TRPC7: variants seen among roughly 807,000 people sequenced by gnomAD.
The protein encoded by TRPC7 is transient receptor potential cation channel subfamily C member 7.
TRPC7 carries 42 observed loss-of-function variants against 90.1 expected under a neutral mutation model. The observed-to-expected ratio is 0.47, with a 90% CI of 0.36 to 0.60. The LOEUF (loss-of-function observed/expected upper bound fraction) is 0.60. Among genes scored for constraint, TRPC7 ranks in the 20% least tolerant of loss-of-function variants. The pLI, the probability that TRPC7 is intolerant of heterozygous loss-of-function variation, is 0.00. For missense variants in TRPC7, 955 were observed against 1,112.3 expected, an observed-to-expected ratio of 0.86 and a Z score of 2.01; for synonymous variants, 451 against 436.3, an observed-to-expected ratio of 1.03 and a Z score of -0.42.
At chr5:136,349,104 T>C (rs1450679631) in intron 2 of TRPC7, among the ~76,000 whole-genome samples, 3 of 147,534 alleles carry the variant, frequency 2.0e-5, no homozygotes, top group Non-Finnish European at 3.0e-5. Flanking sequence ...ATCTCTGTAT[T>C]TGTCAGGATC....
chr5:136,332,811 GAAACACACTTTCTTCCCC>G (rs2149847293), intron 2 of TRPC7, among the ~76,000 whole-genome samples: 1 of 152,326 alleles, frequency 6.6e-6, no homozygotes, highest in East Asian at 1.9e-4. Flanking sequence ...CTCTATGAGA[GAAACACACTTTCTTCCCC>G]ATTGATGTTG....
chr5:136,219,602 C>T (rs1019725066), intron 10 of TRPC7, among the ~76,000 whole-genome samples: 25 of 152,132 alleles, frequency 1.6e-4, no homozygotes, highest in African/African-American at 5.6e-4. Context: ...CCCATCTCTA[C>T]TAAAAATACA....
chr5:136,265,995 C>T (rs1376395640), intron 5 of TRPC7, among the ~76,000 whole-genome samples: 8 of 152,100 alleles, frequency 5.3e-5, no homozygotes, highest in African/African-American at 1.9e-4. Flanking sequence ...TAAAAAATTT[C>T]TGTCCCCCGC....
At chr5:136,308,463 G>A (rs1405485576) in intron 3 of TRPC7, among the ~76,000 whole-genome samples, 1 of 152,212 alleles carries the variant, frequency 6.6e-6, no homozygotes, top group Non-Finnish European at 1.5e-5. Context: ...CTGTTAAAAC[G>A]ATGCCTCAGC....
chr5:136,213,331 C>A lies in TRPC7; in HGVS notation c.*104G>T, dbSNP rs978923837. 1 of 1,200,628 alleles carries A rather than the reference C, an allele frequency of 8.3e-7. No homozygotes were observed. The allele number at this position is 1,200,628 out of a possible 1,614,324, so 74.4% of individuals were successfully genotyped here. A position where few individuals can be genotyped will look rare whatever the true frequency, so the allele number is the denominator to read the frequency against. On this transcript the variant is annotated 3_prime_UTR_variant, in exon 12 of 12. Transcript: ENST00000513104. ...CTGAGCCAGGAGATCCCCTTCGTGT[C>A]CTAGAGGAGTGGGCTGGGGACCCCT...
chr5:136,271,171 C>T (rs187645529), intron 4 of TRPC7, among the ~76,000 whole-genome samples: 52 of 152,204 alleles, frequency 3.4e-4, no homozygotes, highest in Admixed American at 1.7e-3. Flanking sequence ...TATATTTCTC[C>T]GAGCAAGGGT....
intron 3 of TRPC7, among the ~76,000 whole-genome samples, chr5:136,310,564 G>T (rs1758793644): frequency 6.6e-6 from 1 of 151,646 alleles, no homozygotes; most frequent in Non-Finnish European, 1.5e-5. Flanking sequence ...AGTGGAGCTG[G>T]CTCTTGAGGA....
intron 7 of TRPC7, among the ~76,000 whole-genome samples, chr5:136,246,092 G>A (rs930771240): frequency 3.9e-5 from 6 of 152,158 alleles, no homozygotes; most frequent in African/African-American, 9.7e-5. Context: ...CCACTTCCAC[G>A]GTGGGGGATG....
chr5:136,348,545 G>GGACACCTATCTGA, intron 2 of TRPC7, among the ~76,000 whole-genome samples: 1 of 152,172 alleles, frequency 6.6e-6, no homozygotes, highest in African/African-American at 2.4e-5. Flanking sequence ...TGATTACATG[G>GGACACCTATCTGA]AGGACACCTA....
chr5:136,271,700 A>T (rs1008383285), intron 4 of TRPC7, among the ~76,000 whole-genome samples: 1 of 152,178 alleles, frequency 6.6e-6, no homozygotes, highest in African/African-American at 2.4e-5. Flanking sequence ...AAACAGAATC[A>T]CTGTTCTTTC....
chr5:136,243,952 G>A (rs562812469), intron 7 of TRPC7, among the ~76,000 whole-genome samples: 1 of 151,974 alleles, frequency 6.6e-6, no homozygotes, highest in Middle Eastern at 3.4e-3. Flanking sequence ...TCTTGGTTGG[G>A]TCTCTTGTGT....
Position 136,247,567 on chromosome 5 carries a change from A to G in TRPC7, c.1748T>C (p.Met583Thr). 6.2e-7 allele frequency: 1 copy of G among 1,614,028 alleles called. No homozygotes were observed. Among genetic ancestry groups the G allele is most frequent in the Non-Finnish European group, 8.5e-7 (1 of 1,179,886 alleles). Residue 583 changes from methionine to threonine, a missense_variant, in exon 7 of 12, where the codon ATG (methionine) becomes ACG (threonine). Met to Thr is a moderately conservative substitution (Grantham distance 81). Coordinates refer to ENST00000513104, the MANE Select transcript of TRPC7 (RefSeq NM_020389.3). This position sits in a 1 kb window ranked among gnomAD's most constrained non-coding sequence, Gnocchi z 4.2. Reference protein sequence around the residue: ...GRTVKDIFKFMVIFIMVFVAF... With the variant: ...GRTVKDIFKFTVIFIMVFVAF... Reference sequence around the variant, plus strand: ...CACAAATACCATGATGAAAATGACCATGAACTTGAAGATATCTTTCACAGT... The same window carrying G: ...CACAAATACCATGATGAAAATGACCGTGAACTTGAAGATATCTTTCACAGT...
chr5:136,262,692 T>TA lies in TRPC7; in HGVS notation c.1345+3527dup, dbSNP rs371732187. 2.8e-3 allele frequency among the ~76,000 whole-genome samples: 423 copies of TA among 152,280 alleles called. 4 individuals carry two copies. The highest frequency in any genetic ancestry group is 9.6e-3 in the African/African-American group (398 of 41,538). ...AGCCAGGATGGAGTAACAAACAGGTTAAAAAACAACAAAACAAAAGCAAAC... is the reference window on the plus strand; with the variant it reads ...AGCCAGGATGGAGTAACAAACAGGTTAAAAAAACAACAAAACAAAAGCAAAC... On this transcript the variant is annotated intron_variant, in intron 5 of 11. Transcript: ENST00000513104.
intron 5 of TRPC7, among the ~76,000 whole-genome samples, chr5:136,264,711 G>A (rs920168323): frequency 1.3e-5 from 2 of 151,992 alleles, no homozygotes; most frequent in African/African-American, 4.8e-5. Context: ...TCCTGCCTTA[G>A]CCTCCTGAGT....
intron 4 of TRPC7, among the ~76,000 whole-genome samples, chr5:136,273,138 T>A (rs1346559424): frequency 6.6e-6 from 1 of 152,148 alleles, no homozygotes; most frequent in Non-Finnish European, 1.5e-5. Context: ...ATTTTAATGA[T>A]CGAACAGCCT....
chr5:136,250,019 T>G (rs955519020), intron 6 of TRPC7, among the ~76,000 whole-genome samples: 2 of 152,188 alleles, frequency 1.3e-5, no homozygotes, highest in African/African-American at 4.8e-5. Context: ...AAGTCAGAAG[T>G]GGACAATACT....
intron 5 of TRPC7, among the ~76,000 whole-genome samples, chr5:136,265,437 C>T (rs1015775466): frequency 2.6e-5 from 4 of 152,020 alleles, no homozygotes. Flanking sequence ...TTAGTTTTTG[C>T]AATTTTTAAT....
chr5:136,278,437 A>G (rs181057771), intron 3 of TRPC7, among the ~76,000 whole-genome samples: 1 of 152,316 alleles, frequency 6.6e-6, no homozygotes, highest in Admixed American at 6.5e-5. Context: ...GCATGTCACC[A>G]CATCTGGAAG....
intron 7 of TRPC7, among the ~76,000 whole-genome samples, chr5:136,234,597 C>T (rs1216336514): frequency 5.3e-5 from 8 of 152,182 alleles, no homozygotes; most frequent in African/African-American, 1.4e-4. Context: ...CATTAGCCAC[C>T]GCGCCTGGCC....
Sources: gnomAD v4.1 joint callset for allele counts (sites outside exome capture counted in the v4.1 genomes callset) on GRCh38, gnomAD v4.1.1 for gene constraint, Gnocchi (gnomAD v3.1) non-coding constraint, MANE v1.5 for transcripts, NCBI Gene and HGNC (gene_info 2026-07-23, HGNC 2026-07-21) for gene names.